The following TYW1B variants were observed in gnomAD, a reference collection of about 807,000 sequenced individuals.
TYW1B encodes tRNA-yW synthesizing protein 1 homolog B.
In TYW1B, 73 loss-of-function variants were observed where a neutral mutation model predicts 86.9. The ratio of observed to expected loss-of-function variants is 0.84; its 90% CI spans 0.70 to 1.02. The LOEUF is 1.02. Among genes scored for constraint, TYW1B ranks in the 50% least tolerant of loss-of-function variants. The probability of loss-of-function intolerance (pLI) is 0.00; values close to 1 mark genes in which losing one functional copy is unlikely to be tolerated. For synonymous variants in TYW1B, 248 were observed against 292.8 expected (o/e 0.85, Z 1.56); for missense variants, 637 against 827.4 (o/e 0.77, Z 2.82).
intron 9 of TYW1B, among the ~76,000 whole-genome samples, chr7:72,718,116 A>G (rs1412020995): frequency 2.0e-5 from 3 of 152,212 alleles, no homozygotes; most frequent in Non-Finnish European, 4.4e-5. Flanking sequence ...AATATGGTAC[A>G]TATACACCAT....
chr7:72,727,811 C>CAAA (rs10714290), intron 9 of TYW1B, among the ~76,000 whole-genome samples: 43 of 107,564 alleles, frequency 4.0e-4, no homozygotes, highest in African/African-American at 7.5e-4. Flanking sequence ...AGATCCGGTC[C>CAAA]AAAAAAAAAA....
At chr7:72,745,967 G>T (rs1274755478) in intron 7 of TYW1B, among the ~76,000 whole-genome samples, 5 of 151,400 alleles carry the variant, frequency 3.3e-5, no homozygotes, top group Non-Finnish European at 5.9e-5. Context: ...CAGTTCAAGT[G>T]ATTCTCCTGC....
intron 13 of TYW1B, among the ~76,000 whole-genome samples, chr7:72,598,587 TG>T (rs1241973631): frequency 2.0e-5 from 3 of 152,142 alleles, no homozygotes; most frequent in African/African-American, 7.2e-5. Context: ...GTAAATGAAC[TG>T]GAAGAAACAT....
Position 72,593,187 on chromosome 7 carries a change from G to A in TYW1B, c.1786-17468C>T, listed in dbSNP as rs573964533. 2.0e-5 allele frequency among the ~76,000 whole-genome samples: 3 copies of A among 152,136 alleles called. No individual in the cohort carries two copies. The South Asian group carries it at 6.2e-4, about 32-fold the overall frequency. On this transcript the variant is annotated intron_variant, in intron 13 of 13. Transcript: ENST00000620995. ...CATGCCTGTAATCCCAGCTACTCGG[G>A]GGGCTGAGGCAGGAGAAATTGCTTG... is the stretch of plus-strand genomic sequence containing the variant.
intron 5 of TYW1B, among the ~76,000 whole-genome samples, chr7:72,802,729 T>C (rs1788425163): frequency 6.6e-6 from 1 of 152,050 alleles, no homozygotes; most frequent in African/African-American, 2.4e-5. Flanking sequence ...CAAGCGATTC[T>C]CCTGCCTCAG....
chr7:72,827,976 A>G, intron 1 of TYW1B, 96 bp downstream of exon 1: 1 of 1,585,480 alleles, frequency 6.3e-7, no homozygotes, highest in South Asian at 1.1e-5. Flanking sequence ...TCTCCGAAGG[A>G]AGGGGACCGA....
Position 72,782,197 on chromosome 7 carries a change from C to T in TYW1B, c.847-4664G>A, listed in dbSNP as rs575839179. ...CGAGCCACTTGGGAGGCTGAGGTGGCAGAATCACTTGAGCCCAGGAGTTCA... is the reference window on the plus strand; with the variant it reads ...CGAGCCACTTGGGAGGCTGAGGTGGTAGAATCACTTGAGCCCAGGAGTTCA... On this transcript the variant is annotated intron_variant, in intron 6 of 13. Coordinates refer to ENST00000620995, the MANE Select transcript of TYW1B (RefSeq NM_001145440.3). 2.8e-3 allele frequency among the ~76,000 whole-genome samples: 432 copies of T among 152,004 alleles called. 3 individuals are homozygous for T. The highest frequency in any genetic ancestry group is 6.8e-3 in the Middle Eastern group (2 of 294).
intron 6 of TYW1B, among the ~76,000 whole-genome samples, chr7:72,778,709 G>A (rs780499081): frequency 2.6e-4 from 39 of 152,250 alleles, no homozygotes; most frequent in Non-Finnish European, 5.6e-4. Context: ...AAGATCCTAT[G>A]CAGGATATTT....
chr7:72,687,257 G>A (rs1478692059), intron 11 of TYW1B, among the ~76,000 whole-genome samples: 1 of 152,230 alleles, frequency 6.6e-6, no homozygotes, highest in East Asian at 1.9e-4. Flanking sequence ...CCAAACTGGT[G>A]AAACCCCATC....
rs555446841 is a variant in TYW1B at position 72,722,784 on chromosome 7, C to T, written c.1192+6038G>A. On this transcript the variant is annotated intron_variant, in intron 9 of 13. Coordinates refer to ENST00000620995, the MANE Select transcript of TYW1B (RefSeq NM_001145440.3). ...CCACCTTTCACACAACTGAACCAGA[C>T]CCAGGACAGACGGCAGGCGTTCTTT... The T allele has an allele frequency of 4.0e-3, 1,656 of 417,610 alleles. 9 individuals carry two copies. The highest frequency in any genetic ancestry group is 6.8e-3 in the Middle Eastern group (10 of 1,472). 25.9% of individuals were successfully genotyped at this position (417,610 alleles called of 1,614,324 possible).
intron 8 of TYW1B, among the ~76,000 whole-genome samples, chr7:72,737,334 T>C (rs1554461151): frequency 6.6e-6 from 1 of 152,232 alleles, no homozygotes; most frequent in Non-Finnish European, 1.5e-5. Flanking sequence ...AAATGAAATA[T>C]CTCCATTTAA....
intron 10 of TYW1B, among the ~76,000 whole-genome samples, chr7:72,695,057 TA>T (rs1814281748): frequency 6.6e-6 from 1 of 152,126 alleles, no homozygotes; most frequent in South Asian, 2.1e-4. Context: ...TTGAATTACT[TA>T]AAATTGGCCC....
intron 11 of TYW1B, among the ~76,000 whole-genome samples, chr7:72,670,517 AG>A (rs1813573267): frequency 1.3e-5 from 2 of 152,324 alleles, no homozygotes; most frequent in East Asian, 3.9e-4. Context: ...AATTCCAATT[AG>A]GAAGTACTCT....
At chr7:72,780,768 C>A (rs1415615236) in intron 6 of TYW1B, among the ~76,000 whole-genome samples, 6 of 152,160 alleles carry the variant, frequency 3.9e-5, no homozygotes, top group Admixed American at 2.6e-4. Flanking sequence ...GCAGCTCACT[C>A]CTAACCTCCA....
chr7:72,792,224 G>A lies in TYW1B; in HGVS notation c.846+10176C>T, dbSNP rs533745839. ...CACCTGTAATCCCAGCTACTCGGGAGGATGAGGCAGGAGAATCACTTGAAA... is the reference window on the plus strand; with the variant it reads ...CACCTGTAATCCCAGCTACTCGGGAAGATGAGGCAGGAGAATCACTTGAAA... On this transcript the variant is annotated intron_variant, in intron 6 of 13. Coordinates refer to ENST00000620995, the MANE Select transcript of TYW1B (RefSeq NM_001145440.3). Among the ~76,000 whole-genome samples the A allele has an allele frequency of 5.9e-5, 9 of 152,100 alleles. No homozygotes were observed. In the South Asian group the frequency reaches 1.5e-3, roughly 25 times the overall value.
chr7:72,712,336 C>CA (rs1381268909), intron 10 of TYW1B, among the ~76,000 whole-genome samples: 1 of 151,596 alleles, frequency 6.6e-6, no homozygotes, highest in Non-Finnish European at 1.5e-5. Context: ...CCAATAGCAT[C>CA]TTTTTTTTTG....
chr7:72,801,193 G>T (rs1788398409), intron 6 of TYW1B, among the ~76,000 whole-genome samples: 1 of 152,118 alleles, frequency 6.6e-6, no homozygotes, highest in Non-Finnish European at 1.5e-5. Context: ...GCTCAGCGTG[G>T]TGGTGTGCAC....
At chr7:72,613,144 T>C (rs1554436249) in intron 13 of TYW1B, among the ~76,000 whole-genome samples, 1 of 152,262 alleles carries the variant, frequency 6.6e-6, no homozygotes, top group African/African-American at 2.4e-5. Context: ...GTGGAAATGT[T>C]CCAAATTGAA....
chr7:72,667,443 G>A (rs28691018), intron 11 of TYW1B, among the ~76,000 whole-genome samples: 84,203 of 152,070 alleles, frequency 0.55, 25,379 homozygotes, highest in Non-Finnish European at 0.68. Context: ...GGCCAGGCGC[G>A]GTGGCTCACG....
Sources: gnomAD v4.1 joint callset for allele counts (sites outside exome capture counted in the v4.1 genomes callset) on GRCh38, gnomAD v4.1.1 for gene constraint, MANE v1.5 for transcripts, NCBI Gene and HGNC (gene_info 2026-07-23, HGNC 2026-07-21) for gene names.